Variants in AGBL4 observed in about 807,000 individuals in gnomAD.
AGBL4 encodes the protein cytosolic carboxypeptidase 6.
A neutral mutation model predicts 66.4 loss-of-function variants in AGBL4; 58 were observed. The observed-to-expected ratio is 0.87, with a 90% confidence interval of 0.71 to 1.09. AGBL4 has a LOEUF of 1.09. AGBL4 is among the 50% of genes least tolerant of loss of function. The pLI is 0.00. For synonymous variants in AGBL4, 234 were observed against 222.9 expected (o/e 1.05, Z -0.44); for missense variants, 579 against 631.0 (o/e 0.92, Z 0.88).
intron 11 of AGBL4, among the ~76,000 whole-genome samples, chr1:48,574,681 C>A (rs925066716): frequency 6.6e-6 from 1 of 152,058 alleles, no homozygotes; most frequent in Non-Finnish European, 1.5e-5. Context: ...TCCCTCCCAG[C>A]CACAACTCCC....
intron 9 of AGBL4, among the ~76,000 whole-genome samples, chr1:48,616,495 C>T (rs1042420827): frequency 6.6e-5 from 10 of 152,160 alleles, no homozygotes; most frequent in Non-Finnish European, 1.3e-4. Flanking sequence ...TGAAGCACAG[C>T]GCACTGCAAG....
intron 3 of AGBL4, among the ~76,000 whole-genome samples, chr1:49,372,770 A>C (rs1273606313): frequency 4.6e-5 from 3 of 65,328 alleles, no homozygotes; most frequent in Non-Finnish European, 1.0e-4. Context: ...CTTTTCTTTT[A>C]TTTTTTGAGA....
chr1:49,743,743 G>A (rs1170562164), intron 2 of AGBL4, among the ~76,000 whole-genome samples: 6 of 151,996 alleles, frequency 3.9e-5, no homozygotes, highest in South Asian at 2.1e-4. Flanking sequence ...ATGAGTTCAC[G>A]TCCTTCGTAG....
At chr1:49,913,415 C>G (rs1651053449) in intron 1 of AGBL4, among the ~76,000 whole-genome samples, 1 of 152,272 alleles carries the variant, frequency 6.6e-6, no homozygotes, top group African/African-American at 2.4e-5. Flanking sequence ...CCTCCATTGA[C>G]TACATGCCCC....
chr1:49,058,139 G>C (rs901379815), intron 4 of AGBL4, among the ~76,000 whole-genome samples: 5 of 152,200 alleles, frequency 3.3e-5, no homozygotes, highest in African/African-American at 1.2e-4. Context: ...TTCCTCTACA[G>C]TGCAGAATCC....
intron 3 of AGBL4, among the ~76,000 whole-genome samples, chr1:49,428,326 C>A (rs777161776): frequency 5.3e-4 from 81 of 152,176 alleles, no homozygotes; most frequent in Non-Finnish European, 1.1e-3. Flanking sequence ...TTGAATTTCA[C>A]ACTAGTCATG....
chr1:48,920,311 T>A (rs1418053451), intron 5 of AGBL4, among the ~76,000 whole-genome samples: 1 of 152,166 alleles, frequency 6.6e-6, no homozygotes, highest in African/African-American at 2.4e-5. Context: ...ATAAATTCCC[T>A]CCTAGCTCCC....
chr1:49,804,856 C>T (rs999230006), intron 2 of AGBL4, among the ~76,000 whole-genome samples: 3 of 152,114 alleles, frequency 2.0e-5, no homozygotes, highest in Admixed American at 6.6e-5. Flanking sequence ...ATTAGAGTAT[C>T]CCTAGATGCA....
intron 4 of AGBL4, among the ~76,000 whole-genome samples, chr1:49,149,532 AAAAC>A (rs1462218344): frequency 1.3e-5 from 2 of 152,232 alleles, no homozygotes; most frequent in Non-Finnish European, 2.9e-5. Context: ...AATTCAAGAT[AAAAC>A]ATTGTTGGAA....
chr1:49,443,242 T>G (rs532074240), intron 3 of AGBL4, among the ~76,000 whole-genome samples: 4 of 152,158 alleles, frequency 2.6e-5, no homozygotes, highest in Non-Finnish European at 5.9e-5. Flanking sequence ...ATCTGTTATT[T>G]CTTTTGTTGT....
intron 6 of AGBL4, among the ~76,000 whole-genome samples, chr1:48,720,130 A>C: frequency 6.6e-6 from 1 of 152,206 alleles, no homozygotes; most frequent in East Asian, 1.9e-4. Flanking sequence ...TGCCATCCAT[A>C]CTGGCTCTGT....
intron 3 of AGBL4, among the ~76,000 whole-genome samples, chr1:49,561,364 G>T (rs1305493): frequency 6.6e-6 from 1 of 151,350 alleles, no homozygotes; most frequent in African/African-American, 2.4e-5. Flanking sequence ...ACAACATGCA[G>T]GTTACATATG....
chr1:49,966,755 T>C lies in AGBL4; in HGVS notation c.34+57008A>G, dbSNP rs1202715529. Among the ~76,000 whole-genome samples, 5 of 152,154 alleles carry C rather than the reference T, an allele frequency of 3.3e-5. No homozygotes were observed. The East Asian group carries it at 9.6e-4, about 29-fold the overall frequency. On this transcript the variant is annotated intron_variant, in intron 1 of 13. Transcript: ENST00000371839. ...ATACTAGCACAAAGTAACCACTCAG[T>C]AAGTATTAACTATTATCATAAAGCC...
At chr1:49,739,316 T>C (rs1328470837) in intron 2 of AGBL4, among the ~76,000 whole-genome samples, 1 of 151,956 alleles carries the variant, frequency 6.6e-6, no homozygotes, top group Non-Finnish European at 1.5e-5. Context: ...TGATGGAAGA[T>C]CAAATGAATG....
At chr1:49,485,208 A>T (rs1647039184) in intron 3 of AGBL4, among the ~76,000 whole-genome samples, 1 of 152,130 alleles carries the variant, frequency 6.6e-6, no homozygotes, top group African/African-American at 2.4e-5. Flanking sequence ...GAACCAACCC[A>T]AATGTCCAAC....
chr1:49,890,383 CAGG>C (rs1648519339), intron 1 of AGBL4, among the ~76,000 whole-genome samples: 1 of 152,136 alleles, frequency 6.6e-6, no homozygotes, highest in Non-Finnish European at 1.5e-5. Flanking sequence ...AACACTCATT[CAGG>C]GGCCCTTGCA....
chr1:50,020,983 G>C (rs1186378001), intron 1 of AGBL4, among the ~76,000 whole-genome samples: 1 of 152,130 alleles, frequency 6.6e-6, no homozygotes, highest in Non-Finnish European at 1.5e-5. Context: ...AAGACAATAA[G>C]GGTCAATAAA....
chr1:49,632,050 A>G (rs1221337230), intron 3 of AGBL4, among the ~76,000 whole-genome samples: 1 of 152,184 alleles, frequency 6.6e-6, no homozygotes, highest in Non-Finnish European at 1.5e-5. Context: ...TGGCTGCCAC[A>G]TATGTGCAGC....
intron 6 of AGBL4, among the ~76,000 whole-genome samples, chr1:48,829,090 T>G (rs1315703618): frequency 6.6e-6 from 1 of 152,184 alleles, no homozygotes. Flanking sequence ...CTTACACTTC[T>G]CTTTTTGGGA....
Sources: allele counts gnomAD v4.1 joint callset (sites outside exome capture counted in the v4.1 genomes callset), GRCh38; gene constraint gnomAD v4.1.1; transcripts MANE v1.5; gene names NCBI Gene and HGNC (gene_info 2026-07-23, HGNC 2026-07-21).